Variants in SHOC1 observed in about 807,000 individuals in gnomAD.
SHOC1 encodes protein shortage in chiasmata 1 ortholog.
Under a neutral mutation model 179.2 loss-of-function variants are expected in SHOC1, and 136 were observed. That is an observed-to-expected ratio of 0.76 (90% CI 0.66 to 0.87). SHOC1 has a LOEUF of 0.87. SHOC1 is among the 40% of genes least tolerant of loss of function. The probability of loss-of-function intolerance (pLI) is 0.00; values close to 1 mark genes in which losing one functional copy is unlikely to be tolerated. For synonymous variants in SHOC1, 489 were observed against 586.6 expected, an observed-to-expected ratio of 0.83 and a Z score of 2.41; for missense variants, 1,538 against 1,700.8, an observed-to-expected ratio of 0.90 and a Z score of 1.68.
intron 8 of SHOC1, among the ~76,000 whole-genome samples, chr9:111,749,004 GCCTT>G (rs1834439904): frequency 2.5e-5 from 2 of 81,568 alleles, no homozygotes; most frequent in African/African-American, 9.8e-5. Flanking sequence ...CTCCTTTCCT[GCCTT>G]CCTTCCTGCC....
intron 5 of SHOC1, among the ~76,000 whole-genome samples, chr9:111,768,127 T>C (rs1835424986): frequency 6.6e-6 from 1 of 152,160 alleles, no homozygotes; most frequent in African/African-American, 2.4e-5. Flanking sequence ...CTAGGTATTT[T>C]ATATTTTTTG....
intron 2 of SHOC1, among the ~76,000 whole-genome samples, chr9:111,788,932 T>C (rs929006437): frequency 1.6e-4 from 25 of 152,016 alleles, no homozygotes; most frequent in Non-Finnish European, 5.9e-5. Context: ...CTACCTCCCT[T>C]AACGTTCAGT....
chr9:111,721,256 G>A (rs1391355216), intron 15 of SHOC1, among the ~76,000 whole-genome samples: 2 of 152,172 alleles, frequency 1.3e-5, no homozygotes, highest in African/African-American at 4.8e-5. Flanking sequence ...CTGTGTGAAT[G>A]CAGCATAGTA....
chr9:111,723,882 C>T lies in SHOC1; in HGVS notation c.1864G>A (p.Glu622Lys), dbSNP rs1241126232. The stretch of plus-strand genomic sequence containing the variant: ...TTAATATGAACAATAGGACTTTCTT[C>T]TTGAAGTGTCAAAGAACATGCTTCT... ...DKEACSLTLQ[E>K]ESPIVHINKT... Residue 622 changes from glutamate (E) to lysine (K), a missense_variant, in exon 14 of 28, where the codon GAA becomes AAA. Physicochemically the swap from Glu to Lys is moderately conservative, Grantham distance 56. Coordinates refer to ENST00000682961, the MANE Select transcript of SHOC1 (RefSeq NM_001378211.1). The T allele has an allele frequency of 6.4e-7, 1 of 1,573,652 alleles. No homozygotes were observed. Among genetic ancestry groups the T allele is most frequent in the East Asian group, 2.2e-5 (1 of 44,528 alleles).
chr9:111,761,260 G>C (rs1589452318), intron 5 of SHOC1, among the ~76,000 whole-genome samples: 1 of 152,318 alleles, frequency 6.6e-6, no homozygotes, highest in Non-Finnish European at 1.5e-5. Context: ...CCAGCACTTT[G>C]GGAGGCTGAA....
intron 21 of SHOC1, among the ~76,000 whole-genome samples, chr9:111,704,913 G>A (rs1264151540): frequency 6.6e-6 from 1 of 151,766 alleles, no homozygotes; most frequent in African/African-American, 2.4e-5. Context: ...CACACAAAAT[G>A]TTCATATTTG....
intron 4 of SHOC1, among the ~76,000 whole-genome samples, 199 bp downstream of exon 4, chr9:111,780,731 T>C (rs2131631642): frequency 6.6e-6 from 1 of 152,268 alleles, no homozygotes; most frequent in Middle Eastern, 3.4e-3. Context: ...TAATTGAAAG[T>C]TTACTAATTA....
At chr9:111,732,730 A>G (rs1225502633) in intron 12 of SHOC1, among the ~76,000 whole-genome samples, 1 of 152,174 alleles carries the variant, frequency 6.6e-6, no homozygotes, top group Non-Finnish European at 1.5e-5. Flanking sequence ...CAGAAAGTAT[A>G]CCAGTGGTCG....
intron 27 of SHOC1, among the ~76,000 whole-genome samples, chr9:111,687,936 T>A (rs1831252862): frequency 6.6e-6 from 1 of 152,186 alleles, no homozygotes; most frequent in Non-Finnish European, 1.5e-5. Context: ...TAAATTCATG[T>A]CTTTAAAGGC....
At chr9:111,767,710 C>T (rs1231553603) in intron 5 of SHOC1, among the ~76,000 whole-genome samples, 1 of 152,070 alleles carries the variant, frequency 6.6e-6, no homozygotes, top group Non-Finnish European at 1.5e-5. Flanking sequence ...TTTTATTTTT[C>T]TATTTCTGTG....
At chr9:111,793,934 C>T (rs1308500658) in intron 1 of SHOC1, among the ~76,000 whole-genome samples, 6 of 152,174 alleles carry the variant, frequency 3.9e-5, no homozygotes, top group South Asian at 4.2e-4. Flanking sequence ...TCACTGCAAC[C>T]TCCAGCTCCC....
At chr9:111,780,457 T>C (rs1335754833) in intron 4 of SHOC1, among the ~76,000 whole-genome samples, 1 of 152,232 alleles carries the variant, frequency 6.6e-6, no homozygotes, top group Non-Finnish European at 1.5e-5. Context: ...TGTATTGTAA[T>C]TATTTCTTTA....
intron 20 of SHOC1, among the ~76,000 whole-genome samples, chr9:111,705,651 A>G (rs757831220): frequency 2.0e-5 from 3 of 151,944 alleles, no homozygotes; most frequent in Non-Finnish European, 4.4e-5. Context: ...ATACTCACAC[A>G]TGTACACTCA....
intron 15 of SHOC1, among the ~76,000 whole-genome samples, chr9:111,720,016 A>T (rs1275172480): frequency 1.2e-4 from 18 of 152,208 alleles, no homozygotes; most frequent in Admixed American, 1.2e-3. Context: ...ACAAAACAGA[A>T]TACATGAAAC....
At chr9:111,761,951 A>G (rs997001674) in intron 5 of SHOC1, among the ~76,000 whole-genome samples, 5 of 152,336 alleles carry the variant, frequency 3.3e-5, no homozygotes, top group East Asian at 1.9e-4. Flanking sequence ...TTCTCATACC[A>G]TACTAGTGGA....
At chr9:111,755,456 C>T (rs936707309) in intron 8 of SHOC1, among the ~76,000 whole-genome samples, 2 of 152,126 alleles carry the variant, frequency 1.3e-5, no homozygotes, top group African/African-American at 4.8e-5. Context: ...CCTTCCTTTC[C>T]TCCATGATAT....
In SHOC1 at chr9:111,758,184, G is replaced by C. The variant is rs377178994; in HGVS notation, c.608C>G (p.Ser203Cys). ...TEANFSRECF[S>C]LQETLEAFVK... ...AAAAGCTTCCAAAGTTTCTTGAAGA[G>C]AGAAACATTCCCTTAAAAAAAAATA... Residue 203 changes from serine (S) to cysteine (C), a missense_variant, in exon 7 of 28, where the codon TCT (serine) becomes TGT (cysteine). Ser to Cys is a moderately radical substitution (Grantham distance 112). Coordinates refer to ENST00000682961, the MANE Select transcript of SHOC1 (RefSeq NM_001378211.1). 5 of 1,557,654 alleles carry C rather than the reference G, an allele frequency of 3.2e-6. No individual in the cohort carries two copies. The highest frequency in any genetic ancestry group is 4.4e-6 in the Non-Finnish European group (5 of 1,148,074).
In SHOC1 at chr9:111,775,809, G is replaced by A; in HGVS notation, c.424C>T (p.Leu142Phe). ...PVSCLEKCSA[L>F]QNQNQDLFID... ...GTTTTACCTTGGTTCTGGTTTTGAAGTGCTGAACATTTTTCTAAACAACTG... is the reference window on the plus strand; with the variant it reads ...GTTTTACCTTGGTTCTGGTTTTGAAATGCTGAACATTTTTCTAAACAACTG... The change falls in exon 5 of 28, where the codon CTT becomes TTT. Residue 142 changes from leucine to phenylalanine, a missense_variant. Coordinates refer to ENST00000682961, the MANE Select transcript of SHOC1 (RefSeq NM_001378211.1). 6.2e-7 allele frequency: 1 copy of A among 1,607,940 alleles called. No homozygotes were observed. The highest frequency in any genetic ancestry group is 1.1e-5 in the South Asian group (1 of 88,754).
At chr9:111,741,889 C>G (rs1013550245) in intron 10 of SHOC1, among the ~76,000 whole-genome samples, 2 of 152,150 alleles carry the variant, frequency 1.3e-5, no homozygotes, top group African/African-American at 4.8e-5. Context: ...ACCTTGGCCT[C>G]CCAAAGTGCT....
Sources: allele counts gnomAD v4.1 joint callset (sites outside exome capture counted in the v4.1 genomes callset), GRCh38; gene constraint gnomAD v4.1.1; transcripts MANE v1.5; gene names NCBI Gene and HGNC (gene_info 2026-07-23, HGNC 2026-07-21).